SLC14A1: variants seen among roughly 807,000 people sequenced by gnomAD.
SLC14A1 encodes urea transporter 1.
Under a neutral mutation model 39.6 loss-of-function variants are expected in SLC14A1, and 36 were observed. That is an observed-to-expected ratio of 0.91 (90% CI 0.70 to 1.20). The LOEUF (loss-of-function observed/expected upper bound fraction) is 1.20. SLC14A1 is among the 50% of genes most tolerant of loss of function. The probability of loss-of-function intolerance (pLI) is 0.00; values close to 1 mark genes in which losing one functional copy is unlikely to be tolerated. For missense variants in SLC14A1, 469 were observed against 478.7 expected (o/e 0.98, Z 0.19); for synonymous variants, 164 against 173.6 (o/e 0.94, Z 0.43).
intron 2 of SLC14A1, chr18:45,727,553 C>T: frequency 1.9e-6 from 2 of 1,076,908 alleles, no homozygotes; most frequent in Non-Finnish European, 1.3e-6. Flanking sequence ...GATCTTGGTC[C>T]AAAAAGCCCC....
rs191522305 is a variant in SLC14A1, at chr18:45,735,097, A to G, written c.470+695A>G. Among the ~76,000 whole-genome samples, 280 of 152,286 alleles carry G rather than the reference A, an allele frequency of 1.8e-3. 2 individuals carry two copies. Among genetic ancestry groups the G allele is most frequent in the African/African-American group, 6.4e-3 (267 of 41,562 alleles). On this transcript the variant is annotated intron_variant, in intron 5 of 9. Transcript: ENST00000321925. ...AAACACACTGATGCACGTGGCCCCC[A>G]CATACACTTGACTCCTCCCTCCCAA...
intron 2 of SLC14A1, chr18:45,726,871 A>G (rs2078395226): frequency 5.8e-6 from 1 of 173,138 alleles, no homozygotes; most frequent in Admixed American, 5.8e-5. Context: ...TGCAGCCCTC[A>G]CAATCTGCCC....
chr18:45,734,832 A>G (rs1329199714), intron 5 of SLC14A1, among the ~76,000 whole-genome samples: 1 of 152,304 alleles, frequency 6.6e-6, no homozygotes, highest in East Asian at 1.9e-4. Flanking sequence ...GAGCAGGAGG[A>G]GGACAAACAG....
intron 8 of SLC14A1, chr18:45,739,882 T>C: frequency 1.7e-6 from 1 of 604,614 alleles, no homozygotes; most frequent in East Asian, 2.8e-5. Context: ...AGGAGCCTAT[T>C]GAGTCATATT....
chr18:45,738,768 T>C (rs16978476), intron 6 of SLC14A1, among the ~76,000 whole-genome samples: 8,259 of 152,166 alleles, frequency 0.054, 737 homozygotes, highest in African/African-American at 0.18. Context: ...CTGATGGACA[T>C]TTGAAAGCAA....
At chr18:45,730,877 G>A in intron 3 of SLC14A1, 138 bp from the exon 4 acceptor site, 1 of 796,762 alleles carries the variant, frequency 1.3e-6, no homozygotes, top group African/African-American at 1.7e-5. Flanking sequence ...GCAACAATGG[G>A]TTGAGAGAGA....
At chr18:45,726,744 A>G (rs2046874034) in intron 2 of SLC14A1, 1 of 152,832 alleles carries the variant, frequency 6.5e-6, no homozygotes, top group Admixed American at 6.5e-5. Flanking sequence ...AAGCGTGGCT[A>G]GTATCTTATT....
At position 45,747,308 on chromosome 18, in the gene SLC14A1, CT is replaced by C. The variant is rs1397392778; in HGVS notation, c.947-1065del. 5.3e-5 allele frequency: 8 copies of C among 152,306 alleles called. No homozygotes were observed. The South Asian group carries it at 8.3e-4, about 16-fold the overall frequency. 9.4% of individuals were successfully genotyped at this position (152,306 alleles called of 1,614,324 possible). On this transcript the variant is annotated intron_variant, in intron 8 of 9. Transcript: ENST00000321925. Reference sequence around the variant, plus strand: ...GAATAGATAATTAGCTGGTTGAGATCTTTGCTTTTGTTGTTTTACACTGAAA... The same window carrying C: ...GAATAGATAATTAGCTGGTTGAGATCTTGCTTTTGTTGTTTTACACTGAAA...
intron 9 of SLC14A1, among the ~76,000 whole-genome samples, chr18:45,748,828 G>A (rs1428911225): frequency 6.6e-6 from 1 of 152,234 alleles, no homozygotes; most frequent in Admixed American, 6.5e-5. Flanking sequence ...GGTCATGGCT[G>A]CTAAGGAGTC....
chr18:45,736,470 G>C lies in SLC14A1; in HGVS notation c.485G>C (p.Ser162Thr). The C allele has an allele frequency of 6.2e-7, 1 of 1,614,142 alleles. No homozygotes were observed. Among genetic ancestry groups the C allele is most frequent in the Non-Finnish European group, 8.5e-7 (1 of 1,180,022 alleles). The change falls in exon 6 of 10, where the codon AGT becomes ACT. Residue 162 changes from serine (S) to threonine (T), a missense_variant. By Grantham distance (58) the Ser-to-Thr change is moderately conservative. Transcript: ENST00000321925. ...TCTTTTTTTAGCCCAATTTTCTCAA[G>C]TGCATTGAATTCCATGCTCAGCAAA... ...AMSMTCPIFS[S>T]ALNSMLSKWD...
chr18:45,751,106 C>T lies in SLC14A1; in HGVS notation c.*1155C>T, dbSNP rs1396769992. Reference sequence around the variant, plus strand: ...TGTAATCCCAGCACTTTGGGGAGCCCAGGCGGGCAGATTGCTTGAACCCAG... The same window carrying T: ...TGTAATCCCAGCACTTTGGGGAGCCTAGGCGGGCAGATTGCTTGAACCCAG... On this transcript the variant is annotated 3_prime_UTR_variant, in exon 10 of 10. Coordinates refer to ENST00000321925, the MANE Select transcript of SLC14A1 (RefSeq NM_015865.7). The T allele has an allele frequency of 1.2e-6, 1 of 854,424 alleles. No homozygotes were observed. The highest frequency in any genetic ancestry group is 1.4e-6 in the Non-Finnish European group (1 of 710,888). 52.9% of individuals were successfully genotyped at this position (854,424 alleles called of 1,614,324 possible).
At chr18:45,740,780 C>T (rs2047351336) in intron 8 of SLC14A1, among the ~76,000 whole-genome samples, 2 of 152,132 alleles carry the variant, frequency 1.3e-5, no homozygotes, top group African/African-American at 4.8e-5. Flanking sequence ...TCAAGCAATC[C>T]TCCCGCCTCC....
In SLC14A1 at chr18:45,750,251, A is replaced by C. The variant is rs761510701; in HGVS notation, c.*300A>C. The C allele has an allele frequency of 3.0e-6, 4 of 1,315,352 alleles. No individual in the cohort carries two copies. Among genetic ancestry groups the C allele is most frequent in the Non-Finnish European group, 3.9e-6 (4 of 1,027,374 alleles). The allele number at this position is 1,315,352 out of a possible 1,614,324, so 81.5% of individuals were successfully genotyped here. A position where few individuals can be genotyped will look rare whatever the true frequency, so the allele number is the denominator to read the frequency against. Reference sequence around the variant, plus strand: ...TGCTCCAACAGAAGGAGGAAGTGAAAACAAACTATTAGTATTTATTGATAT... The same window carrying C: ...TGCTCCAACAGAAGGAGGAAGTGAACACAAACTATTAGTATTTATTGATAT... On this transcript the variant is annotated 3_prime_UTR_variant, in exon 10 of 10. Transcript: ENST00000321925.
intron 9 of SLC14A1, among the ~76,000 whole-genome samples, chr18:45,749,173 A>T (rs1222520658): frequency 2.6e-5 from 4 of 151,790 alleles, no homozygotes; most frequent in Non-Finnish European, 5.9e-5. Flanking sequence ...GATGATTCTG[A>T]TGTGCAGTCA....
rs543262549 is a variant in SLC14A1 at position 45,730,201 on chromosome 18, A to G, written c.-21-99A>G. 5.5e-4 allele frequency: 706 copies of G among 1,287,428 alleles called. 2 individuals are homozygous for G. The highest frequency in any genetic ancestry group is 7.0e-4 in the Non-Finnish European group (660 of 939,796). 79.8% of individuals were successfully genotyped at this position (1,287,428 alleles called of 1,614,324 possible). A position where few individuals can be genotyped will look rare whatever the true frequency, so the allele number is the denominator to read the frequency against. ...AATGGTGCTCTCTTAGTTCTATGGA[A>G]CATAGTGGTCCAGATCTTCTACTGT... On this transcript the variant is annotated intron_variant, in intron 2 of 9. Coordinates refer to ENST00000321925, the MANE Select transcript of SLC14A1 (RefSeq NM_015865.7).
At chr18:45,734,591 T>C (rs149080548) in intron 5 of SLC14A1, among the ~76,000 whole-genome samples, 189 bp downstream of exon 5, 2 of 152,188 alleles carry the variant, frequency 1.3e-5, no homozygotes, top group African/African-American at 4.8e-5. Context: ...TTAAAAATGG[T>C]TAGCCGGGTG....
intron 5 of SLC14A1, among the ~76,000 whole-genome samples, 195 bp downstream of exon 5, chr18:45,734,597 G>A (rs1450146052): frequency 2.6e-5 from 4 of 152,184 alleles, no homozygotes; most frequent in South Asian, 2.1e-4. Context: ...ATGGTTAGCC[G>A]GGTGCGGTGG....
chr18:45,725,030 T>C lies in SLC14A1; in HGVS notation c.-22+17T>C, dbSNP rs768429756. On this transcript the variant is annotated intron_variant, in intron 2 of 9. Transcript: ENST00000321925. ...AAGATTATAGTAAGTACCAAATAAG[T>C]GTCAATGCTGAAAGTCTCTTTATTA... The C allele has an allele frequency of 1.2e-4, 19 of 152,226 alleles. No homozygotes were observed. Among genetic ancestry groups the C allele is most frequent in the Admixed American group, 7.2e-4 (11 of 15,288 alleles). The allele number at this position is 152,226 out of a possible 1,614,324, so 9.4% of individuals were successfully genotyped here. A position where few individuals can be genotyped will look rare whatever the true frequency, so the allele number is the denominator to read the frequency against.
intron 7 of SLC14A1, 32 bp from the exon 8 acceptor site, chr18:45,739,496 G>A (rs201304439): frequency 1.1e-5 from 18 of 1,613,988 alleles, no homozygotes; most frequent in Non-Finnish European, 1.5e-5. Context: ...CCTGCCTTTA[G>A]TCCTGAGTTC....
Sources: gnomAD v4.1 joint callset for allele counts (sites outside exome capture counted in the v4.1 genomes callset) on GRCh38, gnomAD v4.1.1 for gene constraint, MANE v1.5 for transcripts, NCBI Gene and HGNC (gene_info 2026-07-23, HGNC 2026-07-21) for gene names.